The following CCDC148 variants were observed in gnomAD, a reference collection of about 807,000 sequenced individuals.
CCDC148 encodes coiled-coil domain-containing protein 148.
A neutral mutation model predicts 85.7 loss-of-function variants in CCDC148; 89 were observed. The ratio of observed to expected loss-of-function variants is 1.04; its 90% CI spans 0.87 to 1.24. The LOEUF (loss-of-function observed/expected upper bound fraction) is 1.24, where lower values mean the gene tolerates loss of function less well. CCDC148 is among the 50% of genes most tolerant of loss of function. The pLI is 0.00. For missense variants in CCDC148, 692 were observed against 671.7 expected (o/e 1.03, Z -0.33); for synonymous variants, 230 against 213.9 (o/e 1.08, Z -0.66).
At chr2:158,250,750 G>A (rs367667939) in intron 10 of CCDC148, 22 bp downstream of exon 10, 67 of 1,521,834 alleles carry the variant, frequency 4.4e-5, no homozygotes, top group Non-Finnish European at 5.2e-5. Flanking sequence ...TCACACATTC[G>A]TATTGACAAT....
intron 2 of CCDC148, among the ~76,000 whole-genome samples, chr2:158,356,807 A>G (rs1254977421): frequency 6.0e-5 from 8 of 133,424 alleles, no homozygotes; most frequent in Non-Finnish European, 9.4e-5. Context: ...CATTATTCAC[A>G]ATAGCAAAGA....
chr2:158,415,230 G>A (rs1686442321), intron 1 of CCDC148, among the ~76,000 whole-genome samples: 1 of 152,092 alleles, frequency 6.6e-6, no homozygotes, highest in South Asian at 2.1e-4. Context: ...AGAAGGCAAA[G>A]GGGAAGCAGA....
intron 9 of CCDC148, among the ~76,000 whole-genome samples, chr2:158,294,095 C>T (rs1398943253): frequency 2.7e-5 from 4 of 147,264 alleles, no homozygotes; most frequent in East Asian, 2.0e-4. Flanking sequence ...ATCCCCACCC[C>T]GCCAAGTCCT....
intron 3 of CCDC148, among the ~76,000 whole-genome samples, chr2:158,341,818 T>C (rs1354419219): frequency 6.6e-6 from 1 of 151,242 alleles, no homozygotes; most frequent in Non-Finnish European, 1.5e-5. Context: ...ATTATTTTAA[T>C]TTTTCCAGAT....
At chr2:158,302,779 T>TA (rs5835699) in intron 9 of CCDC148, among the ~76,000 whole-genome samples, 2,023 of 135,824 alleles carry the variant, frequency 0.015, 29 homozygotes, top group African/African-American at 0.045. Context: ...TGAGACTCCA[T>TA]AAAAAAAAAA....
chr2:158,353,051 T>G (rs1194096762), intron 2 of CCDC148, among the ~76,000 whole-genome samples: 2 of 151,620 alleles, frequency 1.3e-5, no homozygotes, highest in Admixed American at 1.3e-4. Context: ...CCACCACGCC[T>G]GCCCTAAAAG....
intron 1 of CCDC148, among the ~76,000 whole-genome samples, chr2:158,404,292 T>C (rs1041501959): frequency 6.6e-6 from 1 of 152,082 alleles, no homozygotes; most frequent in Non-Finnish European, 1.5e-5. Context: ...AGCATAGTCA[T>C]GTATCATGGA....
chr2:158,253,552 T>A (rs1417814056), intron 9 of CCDC148, among the ~76,000 whole-genome samples: 1 of 151,736 alleles, frequency 6.6e-6, no homozygotes, highest in Non-Finnish European at 1.5e-5. Context: ...AAAATGTTGG[T>A]TTCCACTTAG....
chr2:158,281,554 A>G (rs184578775), intron 9 of CCDC148, among the ~76,000 whole-genome samples: 5,573 of 152,258 alleles, frequency 0.037, 148 homozygotes, highest in Non-Finnish European at 0.056. Flanking sequence ...CTCGACACAT[A>G]CACTCTCCCA....
At chr2:158,197,431 T>A (rs535987286) in intron 11 of CCDC148, among the ~76,000 whole-genome samples, 1 of 152,222 alleles carries the variant, frequency 6.6e-6, no homozygotes, top group African/African-American at 2.4e-5. Context: ...CCTACAAAGT[T>A]CTAAGCTTAA....
At position 158,294,193 on chromosome 2, in the gene CCDC148, T is replaced by C. The variant is rs149014102; in HGVS notation, c.1110+15240A>G. 7.9e-5 allele frequency among the ~76,000 whole-genome samples: 12 copies of C among 152,258 alleles called. No homozygotes were observed. In the East Asian group the frequency reaches 1.9e-3, roughly 24 times the overall value. The stretch of plus-strand genomic sequence containing the variant: ...AAATCATATGGAATGCAGCCTTTTG[T>C]GTCTGACATATTTTGTTTAGCGTAA... On this transcript the variant is annotated intron_variant, in intron 9 of 13. Coordinates refer to ENST00000283233, the MANE Select transcript of CCDC148 (RefSeq NM_138803.4).
At chr2:158,340,202 T>C (rs758231360) in intron 5 of CCDC148, 40 bp downstream of exon 5, 7 of 1,593,154 alleles carry the variant, frequency 4.4e-6, no homozygotes, top group Non-Finnish European at 5.1e-6. Context: ...GGGACAAAAA[T>C]GAAATATTAC....
chr2:158,351,386 C>T (rs1357721555), intron 2 of CCDC148, among the ~76,000 whole-genome samples: 1 of 152,152 alleles, frequency 6.6e-6, no homozygotes, highest in Non-Finnish European at 1.5e-5. Context: ...GCGCAACGTG[C>T]GCGAGCCGAA....
At chr2:158,348,015 T>C (rs986337085) in intron 2 of CCDC148, among the ~76,000 whole-genome samples, 2 of 152,060 alleles carry the variant, frequency 1.3e-5, no homozygotes, top group African/African-American at 4.8e-5. Context: ...CTGTCTAATA[T>C]TGCTAGTGGG....
intron 10 of CCDC148, among the ~76,000 whole-genome samples, chr2:158,229,884 T>C (rs879002993): frequency 6.6e-6 from 1 of 152,206 alleles, no homozygotes; most frequent in African/African-American, 2.4e-5. Context: ...ATACCTTTCA[T>C]TGTTCCTCTT....
chr2:158,416,633 C>T (rs1686512105), intron 1 of CCDC148, among the ~76,000 whole-genome samples: 1 of 152,312 alleles, frequency 6.6e-6, no homozygotes, highest in African/African-American at 2.4e-5. Context: ...CCTCACTGTC[C>T]ATATTACTAT....
At chr2:158,176,199 T>C (rs1049738567) in intron 13 of CCDC148, among the ~76,000 whole-genome samples, 6 of 151,864 alleles carry the variant, frequency 4.0e-5, no homozygotes, top group Non-Finnish European at 8.8e-5. Context: ...AGATAAACAT[T>C]TAAACAACAA....
chr2:158,435,308 G>A (rs992313497), intron 1 of CCDC148, among the ~76,000 whole-genome samples: 2 of 152,230 alleles, frequency 1.3e-5, no homozygotes, highest in African/African-American at 4.8e-5. Flanking sequence ...CCAGAAGAGA[G>A]TGGGGGCCAA....
At position 158,437,238 on chromosome 2, in the gene CCDC148, G is replaced by A. The variant is rs1287613508; in HGVS notation, c.25+19177C>T. On this transcript the variant is annotated intron_variant, in intron 1 of 13. Transcript: ENST00000283233. Reference sequence around the variant, plus strand: ...ATGCAAAAATCCTCAATAAAATACCGGTAAACCGAATCCAGCAGCACATCA... The same window carrying A: ...ATGCAAAAATCCTCAATAAAATACCAGTAAACCGAATCCAGCAGCACATCA... Among the ~76,000 whole-genome samples the A allele has an allele frequency of 5.3e-5, 8 of 152,062 alleles. No individual in the cohort carries two copies. In the East Asian group the frequency reaches 7.7e-4, roughly 15 times the overall value.
Sources: allele counts gnomAD v4.1 joint callset (sites outside exome capture counted in the v4.1 genomes callset), GRCh38; gene constraint gnomAD v4.1.1; transcripts MANE v1.5; gene names NCBI Gene and HGNC (gene_info 2026-07-23, HGNC 2026-07-21).